Variants in TIAM2 observed in about 807,000 individuals in gnomAD.
The protein encoded by TIAM2 is rho guanine nucleotide exchange factor TIAM2.
Under a neutral mutation model 152.9 loss-of-function variants are expected in TIAM2, and 80 were observed. That is an observed-to-expected ratio of 0.52 (90% CI 0.44 to 0.63). TIAM2 has a LOEUF of 0.63. TIAM2 is among the 30% of genes least tolerant of loss of function. TIAM2 has a pLI of 0.00. For missense variants in TIAM2, 1,965 were observed against 2,120.1 expected, an observed-to-expected ratio of 0.93 and a Z score of 1.44; for synonymous variants, 804 against 838.0, an observed-to-expected ratio of 0.96 and a Z score of 0.70.
At chr6:155,185,374 TC>T (rs1365415998) in intron 14 of TIAM2, among the ~76,000 whole-genome samples, 1 of 151,828 alleles carries the variant, frequency 6.6e-6, no homozygotes, top group Non-Finnish European at 1.5e-5. Flanking sequence ...CGATCCACCC[TC>T]CTCAGCCTCC....
At chr6:155,082,828 T>C (rs1212090408) in intron 1 of TIAM2, among the ~76,000 whole-genome samples, 3 of 152,090 alleles carry the variant, frequency 2.0e-5, no homozygotes, top group Non-Finnish European at 2.9e-5. Context: ...TTACTATACT[T>C]GGAGCTTTTA....
intron 1 of TIAM2, among the ~76,000 whole-genome samples, chr6:155,063,085 C>T (rs1295284829): frequency 3.3e-5 from 5 of 151,652 alleles, no homozygotes; most frequent in African/African-American, 4.8e-5. Flanking sequence ...ATTGGATATG[C>T]GATTTGCAGA....
chr6:155,093,403 C>A (rs891931917), intron 2 of TIAM2, among the ~76,000 whole-genome samples: 2 of 152,112 alleles, frequency 1.3e-5, no homozygotes, highest in African/African-American at 2.4e-5. Flanking sequence ...GTGGAAAGGG[C>A]GTCCTGTACA....
At chr6:155,059,356 C>T (rs1054355649) in intron 1 of TIAM2, among the ~76,000 whole-genome samples, 2 of 147,848 alleles carry the variant, frequency 1.4e-5, no homozygotes, top group African/African-American at 5.0e-5. Context: ...CAGAGTCTCA[C>T]TCTGTTGCCC....
Position 155,253,957 on chromosome 6 carries a change from A to G in TIAM2, c.4226-16A>G, listed in dbSNP as rs759469948. 4.4e-6 allele frequency: 7 copies of G among 1,606,128 alleles called. No homozygotes were observed. The South Asian group carries it at 6.7e-5, about 15-fold the overall frequency. Reference sequence around the variant, plus strand: ...GGCAAAGTTGTAGACTCTTGTTTCCATTTCCTTTTACATAGGGACAGAAAA... The same window carrying G: ...GGCAAAGTTGTAGACTCTTGTTTCCGTTTCCTTTTACATAGGGACAGAAAA... On this transcript the variant is annotated splice_polypyrimidine_tract_variant and intron_variant, in intron 24 of 26. Coordinates refer to ENST00000682666, the MANE Select transcript of TIAM2 (RefSeq NM_012454.4).
rs370100446 is a variant in TIAM2, at chr6:155,179,078, C to A, written c.2563C>A (p.Arg855=). 35 of 1,613,912 alleles carry A rather than the reference C, an allele frequency of 2.2e-5. No individual in the cohort carries two copies. The highest frequency in any genetic ancestry group is 3.0e-5 in the Non-Finnish European group (35 of 1,180,004). Residue 855 remains arginine, a synonymous_variant, in exon 11 of 27, where the codon CGA becomes AGA. Coordinates refer to ENST00000682666, the MANE Select transcript of TIAM2 (RefSeq NM_012454.4). ...ACCCAGCCATTATGGCCTACAGCTT[C>A]GAAAATTAGTAGATGACAATGTTGA... is the stretch of plus-strand genomic sequence containing the variant. The part of the protein sequence containing the change: ...LEPSHYGLQL[R]KLVDDNVEYC...
At position 155,254,416 on chromosome 6, in the gene TIAM2, C is replaced by T. The variant is rs1450505298; in HGVS notation, c.4314-3C>T. 6.2e-7 allele frequency: 1 copy of T among 1,611,056 alleles called. No homozygotes were observed. Among genetic ancestry groups the T allele is most frequent in the Admixed American group, 1.7e-5 (1 of 59,996 alleles). On this transcript the variant is annotated splice_polypyrimidine_tract_variant and splice_region_variant and intron_variant, in intron 25 of 26. Coordinates refer to ENST00000682666, the MANE Select transcript of TIAM2 (RefSeq NM_012454.4). ...CTGCTGTTTTCTCTCCCCCCCCACC[C>T]AGTGACAGTGAAAGCAAAACCAACA...
At chr6:155,083,303 C>T (rs1001786831) in intron 1 of TIAM2, among the ~76,000 whole-genome samples, 60 of 144,486 alleles carry the variant, frequency 4.2e-4, no homozygotes, top group African/African-American at 1.5e-3. Context: ...GAGCCAAGAT[C>T]GTGCCAGTGC....
At chr6:155,203,879 C>T (rs1377828257) in intron 14 of TIAM2, among the ~76,000 whole-genome samples, 2 of 152,130 alleles carry the variant, frequency 1.3e-5, no homozygotes, top group African/African-American at 4.8e-5. Flanking sequence ...ATTTTGCATC[C>T]TCTGATGCCA....
At chr6:155,000,849 T>G (rs1778300674) in intron 1 of TIAM2, among the ~76,000 whole-genome samples, 1 of 152,176 alleles carries the variant, frequency 6.6e-6, no homozygotes, top group Non-Finnish European at 1.5e-5. Flanking sequence ...CTGGGTGTGG[T>G]GGTGCACATC....
At chr6:155,077,571 C>T (rs913910853) in intron 1 of TIAM2, among the ~76,000 whole-genome samples, 3 of 152,088 alleles carry the variant, frequency 2.0e-5, no homozygotes, top group Non-Finnish European at 4.4e-5. Context: ...AAAAATATTT[C>T]GAAGTTTTTA....
intron 2 of TIAM2, among the ~76,000 whole-genome samples, chr6:155,107,281 G>T (rs530057709): frequency 6.6e-6 from 1 of 152,200 alleles, no homozygotes; most frequent in East Asian, 1.9e-4. Context: ...ACTTATTTTT[G>T]TCTGACATTA....
At chr6:155,045,621 A>G (rs1329675392) in intron 1 of TIAM2, among the ~76,000 whole-genome samples, 1 of 151,984 alleles carries the variant, frequency 6.6e-6, no homozygotes, top group Non-Finnish European at 1.5e-5. Flanking sequence ...ATAAATTGGG[A>G]GGGTTCCATT....
In TIAM2 at chr6:155,070,209, C is replaced by CTTTTTTTTTTTTTTT. The variant is rs559307371; in HGVS notation, c.-208-20065_-208-20051dup. On this transcript the variant is annotated intron_variant, in intron 1 of 26. Transcript: ENST00000682666. ...GTATGAGCCACCGCGCCTGGCCAGACTTTTTTTTTTTTTTTTTTTTTTTTT... is the reference window on the plus strand; with the variant it reads ...GTATGAGCCACCGCGCCTGGCCAGACTTTTTTTTTTTTTTTTTTTTTTTTTTTTTTTTTTTTTTTT... 9.1e-5 allele frequency among the ~76,000 whole-genome samples: 4 copies of CTTTTTTTTTTTTTTT among 44,146 alleles called. 1 individual carries two copies. Among genetic ancestry groups the CTTTTTTTTTTTTTTT allele is most frequent in the African/African-American group, 4.8e-4 (4 of 8,322 alleles). The allele number at this position is 44,146 out of a possible 152,430, so 29.0% of individuals were successfully genotyped here. A position where few individuals can be genotyped will look rare whatever the true frequency, so the allele number is the denominator to read the frequency against.
In TIAM2 at chr6:155,130,345, C is replaced by G. The variant is rs369627279; in HGVS notation, c.1122C>G (p.Asp374Glu). 1.9e-6 allele frequency: 3 copies of G among 1,614,104 alleles called. No individual in the cohort carries two copies. The East Asian group carries it at 6.7e-5, about 36-fold the overall frequency. The change falls in exon 4 of 27, where the codon GAC (aspartate) becomes GAG (glutamate). Residue 374 changes from aspartate to glutamate, a missense_variant. Transcript: ENST00000682666. ...KAFVEDTAKK[D>E]SLKARMRRIS... Reference sequence around the variant, plus strand: ...TTGTTGAGGATACTGCGAAGAAGGACTCCCTCAAAGCCAGGATGCGACGGA... The same window carrying G: ...TTGTTGAGGATACTGCGAAGAAGGAGTCCCTCAAAGCCAGGATGCGACGGA...
At chr6:155,130,490 G>T in intron 4 of TIAM2, 73 bp downstream of exon 4, 1 of 1,413,660 alleles carries the variant, frequency 7.1e-7, no homozygotes, top group Non-Finnish European at 9.6e-7. Context: ...GTTAGTAGAA[G>T]CCACCATAGA....
chr6:155,216,909 G>A (rs923882226), intron 15 of TIAM2: 1 of 1,182,928 alleles, frequency 8.5e-7, no homozygotes, highest in South Asian at 1.6e-5. Flanking sequence ...GAAGAGCTTG[G>A]TGGCGCTAGG....
chr6:155,097,981 T>C (rs986513460), intron 2 of TIAM2, among the ~76,000 whole-genome samples: 1 of 152,202 alleles, frequency 6.6e-6, no homozygotes, highest in Admixed American at 6.5e-5. Flanking sequence ...TGTGAATTTT[T>C]ATCTGGATTC....
intron 5 of TIAM2, among the ~76,000 whole-genome samples, chr6:155,139,940 AAAAC>A (rs148740038): frequency 3.7e-4 from 57 of 152,224 alleles, no homozygotes; most frequent in African/African-American, 8.9e-4. Flanking sequence ...CTCCATCTCA[AAAAC>A]AAACAAACAA....
Sources: gnomAD v4.1 joint callset for allele counts (sites outside exome capture counted in the v4.1 genomes callset) on GRCh38, gnomAD v4.1.1 for gene constraint, MANE v1.5 for transcripts, NCBI Gene and HGNC (gene_info 2026-07-23, HGNC 2026-07-21) for gene names.